Variants in SPATS2 observed in about 807,000 individuals in gnomAD.
The protein encoded by SPATS2 is spermatogenesis associated serine rich 2.
In SPATS2, 38 loss-of-function variants were observed where a neutral mutation model predicts 63.7. The ratio of observed to expected loss-of-function variants is 0.60; its 90% confidence interval spans 0.46 to 0.78. The LOEUF (loss-of-function observed/expected upper bound fraction) is 0.78, where lower values mean the gene tolerates loss of function less well. Ranked by LOEUF, SPATS2 falls within the 30% of genes least tolerant of loss-of-function variation. SPATS2 has a pLI of 0.00. For synonymous variants in SPATS2, 207 were observed against 232.9 expected (o/e 0.89, Z 1.01); for missense variants, 588 against 666.2 (o/e 0.88, Z 1.29).
intron 2 of SPATS2, among the ~76,000 whole-genome samples, chr12:49,425,423 G>A (rs1945056686): frequency 6.6e-6 from 1 of 152,082 alleles, no homozygotes; most frequent in Admixed American, 6.6e-5. Context: ...CAGCTCAGGT[G>A]ATCCTCCTAC....
intron 11 of SPATS2, among the ~76,000 whole-genome samples, chr12:49,521,174 CCTTTA>C (rs752988312): frequency 2.6e-5 from 4 of 152,154 alleles, no homozygotes; most frequent in Non-Finnish European, 5.9e-5. Flanking sequence ...ACACCTGTGC[CCTTTA>C]CCTCTTCTCT....
intron 3 of SPATS2, among the ~76,000 whole-genome samples, chr12:49,467,979 C>T (rs958177918): frequency 7.2e-5 from 11 of 151,974 alleles, no homozygotes; most frequent in South Asian, 2.1e-4. Flanking sequence ...GTGATCCACC[C>T]GCCTCGGCCT....
intron 4 of SPATS2, among the ~76,000 whole-genome samples, chr12:49,488,691 G>A (rs1453101801): frequency 6.6e-6 from 1 of 151,568 alleles, no homozygotes; most frequent in Non-Finnish European, 1.5e-5. Flanking sequence ...TATCAACATA[G>A]AAAAAATCTA....
intron 3 of SPATS2, among the ~76,000 whole-genome samples, chr12:49,466,454 C>T (rs1945917774): frequency 6.6e-6 from 1 of 152,184 alleles, no homozygotes; most frequent in South Asian, 2.1e-4. Context: ...AGGTGTGAGC[C>T]ACCCCGCCTG....
At chr12:49,435,329 CTTT>C (rs1330738030) in intron 2 of SPATS2, among the ~76,000 whole-genome samples, 1 of 120,544 alleles carries the variant, frequency 8.3e-6, no homozygotes, top group African/African-American at 3.2e-5. Context: ...TGTGCCTGGC[CTTT>C]TTTTTTTTTA....
chr12:49,454,512 C>A (rs1945684110), intron 2 of SPATS2: 1 of 152,208 alleles, frequency 6.6e-6, no homozygotes, highest in South Asian at 2.1e-4. Context: ...ATTCATACAT[C>A]ATTTGCTGTT....
Position 49,412,080 on chromosome 12 carries a change from A to G in SPATS2, c.-244+40790A>G, listed in dbSNP as rs141946208. On this transcript the variant is annotated intron_variant, in intron 2 of 13. Coordinates refer to ENST00000552918, the MANE Select transcript of SPATS2 (RefSeq NM_023071.4). ...AGGCCTTAGAAATAGTGGTTATTATATGTTAGTGATGATTATTTTAGTTCT... is the reference window on the plus strand; with the variant it reads ...AGGCCTTAGAAATAGTGGTTATTATGTGTTAGTGATGATTATTTTAGTTCT... Among the ~76,000 whole-genome samples, 58 of 152,262 alleles carry G rather than the reference A, an allele frequency of 3.8e-4. 1 individual carries two copies. In the East Asian group the frequency reaches 8.7e-3, roughly 23 times the overall value.
chr12:49,402,424 A>G (rs1344187672), intron 2 of SPATS2, among the ~76,000 whole-genome samples: 2 of 152,166 alleles, frequency 1.3e-5, no homozygotes, highest in African/African-American at 4.8e-5. Flanking sequence ...AGATGGAGCA[A>G]TCTGAAAAGA....
At chr12:49,429,785 T>C (rs2137470420) in intron 2 of SPATS2, among the ~76,000 whole-genome samples, 1 of 130,246 alleles carries the variant, frequency 7.7e-6, no homozygotes, top group East Asian at 2.1e-4. Context: ...TTCTTCTTCT[T>C]CTTTTTTTTT....
intron 2 of SPATS2, among the ~76,000 whole-genome samples, chr12:49,427,528 C>T (rs1435123805): frequency 6.6e-6 from 1 of 152,130 alleles, no homozygotes; most frequent in Non-Finnish European, 1.5e-5. Flanking sequence ...ACTTGAATTT[C>T]TGGATCATAG....
intron 2 of SPATS2, among the ~76,000 whole-genome samples, chr12:49,403,106 C>T (rs1236537114): frequency 2.0e-5 from 3 of 151,936 alleles, no homozygotes; most frequent in African/African-American, 7.3e-5. Flanking sequence ...TGGTGAGTAA[C>T]GTAAAGAGGG....
intron 2 of SPATS2, among the ~76,000 whole-genome samples, chr12:49,380,659 T>A (rs1397514296): frequency 1.3e-5 from 2 of 151,868 alleles, no homozygotes; most frequent in East Asian, 3.9e-4. Flanking sequence ...TGAGCCGAGA[T>A]GGCACCACTG....
intron 9 of SPATS2, chr12:49,512,849 T>A: frequency 7.8e-7 from 1 of 1,288,122 alleles, no homozygotes; most frequent in Non-Finnish European, 1.0e-6. Flanking sequence ...TGTGCTTTTG[T>A]TTTGTCTTTT....
At chr12:49,487,030 ATTTGT>A (rs1946306453) in intron 4 of SPATS2, among the ~76,000 whole-genome samples, 1 of 152,074 alleles carries the variant, frequency 6.6e-6, no homozygotes, top group African/African-American at 2.4e-5. Context: ...TTATTCACTG[ATTTGT>A]TTTATTTTTA....
At chr12:49,503,614 A>T (rs565981801) in intron 9 of SPATS2, among the ~76,000 whole-genome samples, 1 of 151,222 alleles carries the variant, frequency 6.6e-6, no homozygotes, top group South Asian at 2.1e-4. Flanking sequence ...GCGCCACTGC[A>T]CTCCATCCTG....
At chr12:49,424,769 C>T (rs1054805187) in intron 2 of SPATS2, among the ~76,000 whole-genome samples, 9 of 152,114 alleles carry the variant, frequency 5.9e-5, no homozygotes, top group Non-Finnish European at 8.8e-5. Context: ...CTCCGCCCCC[C>T]ACCAGATTCA....
rs541529587 is a variant in SPATS2, at chr12:49,460,971, G to A, written c.-42G>A. On this transcript the variant is annotated 5_prime_UTR_variant, in exon 3 of 14. Transcript: ENST00000552918. ...CACTCAAAACCCAGACAAGGCAAAA[G>A]GATACTTTTCTTGTATATTTTTTGA... 6.2e-7 allele frequency: 1 copy of A among 1,611,774 alleles called. No individual in the cohort carries two copies. The highest frequency in any genetic ancestry group is 1.3e-5 in the African/African-American group (1 of 74,944).
At chr12:49,444,753 G>A (rs531259251) in intron 2 of SPATS2, among the ~76,000 whole-genome samples, 2 of 151,844 alleles carry the variant, frequency 1.3e-5, no homozygotes, top group South Asian at 2.1e-4. Flanking sequence ...ACAGGTGCTC[G>A]CCACCACGCC....
intron 3 of SPATS2, chr12:49,469,542 TAAAAAAAA>T (rs748722366): frequency 5.9e-5 from 19 of 319,678 alleles, no homozygotes; most frequent in Non-Finnish European, 8.8e-5. Context: ...GCTGGGTCTC[TAAAAAAAA>T]AAAAAAAAAA....
Sources: gnomAD v4.1 joint callset for allele counts (sites outside exome capture counted in the v4.1 genomes callset) on GRCh38, gnomAD v4.1.1 for gene constraint, MANE v1.5 for transcripts, NCBI Gene and HGNC (gene_info 2026-07-23, HGNC 2026-07-21) for gene names.